The following EEFSEC variants were observed in gnomAD, a reference collection of about 807,000 sequenced individuals.
EEFSEC encodes the protein eukaryotic elongation factor, selenocysteine-tRNA specific.
Under a neutral mutation model 42.1 loss-of-function variants are expected in EEFSEC, and 43 were observed. That is an observed-to-expected ratio of 1.02 (90% confidence interval 0.80 to 1.32). The LOEUF (loss-of-function observed/expected upper bound fraction) is 1.32, where lower values mean the gene tolerates loss of function less well. Ranked by LOEUF, EEFSEC falls within the 40% of genes most tolerant of loss-of-function variation. EEFSEC has a pLI of 0.00. For synonymous variants in EEFSEC, 354 were observed against 339.1 expected (o/e 1.04, Z -0.48); for missense variants, 745 against 803.6 (o/e 0.93, Z 0.88).
At chr3:128,329,595 C>T (rs1447255084) in intron 4 of EEFSEC, among the ~76,000 whole-genome samples, 1 of 152,176 alleles carries the variant, frequency 6.6e-6, no homozygotes, top group Admixed American at 6.5e-5. Context: ...AGGGGCCTGG[C>T]AGTCAGGAAG....
chr3:128,196,375 T>G (rs1315712183), intron 1 of EEFSEC, among the ~76,000 whole-genome samples: 1 of 152,224 alleles, frequency 6.6e-6, no homozygotes, highest in Non-Finnish European at 1.5e-5. Flanking sequence ...GTGCGTATCA[T>G]GGGATGTGTG....
chr3:128,322,369 C>T (rs1156955075), intron 4 of EEFSEC, among the ~76,000 whole-genome samples: 1 of 152,244 alleles, frequency 6.6e-6, no homozygotes, highest in Non-Finnish European at 1.5e-5. Context: ...GGCAAGTGCT[C>T]AGTCAATGTT....
At chr3:128,365,108 C>T (rs2067574040) in intron 6 of EEFSEC, among the ~76,000 whole-genome samples, 1 of 152,240 alleles carries the variant, frequency 6.6e-6, no homozygotes, top group Admixed American at 6.5e-5. Context: ...TCTCAGGGCT[C>T]AGCATGGTAT....
chr3:128,260,993 C>T (rs944572700), intron 2 of EEFSEC, among the ~76,000 whole-genome samples: 13 of 152,022 alleles, frequency 8.6e-5, no homozygotes, highest in African/African-American at 1.7e-4. Context: ...CATTCATGCC[C>T]GCTGACATGT....
chr3:128,411,577 G>A (rs74730720), downstream of EEFSEC, among the ~76,000 whole-genome samples: 3 of 152,274 alleles, frequency 2.0e-5, no homozygotes, highest in East Asian at 5.8e-4. Context: ...AGTGCCCTGG[G>A]CCCCCTCACC....
chr3:128,399,643 G>T (rs1365277338), intron 6 of EEFSEC, among the ~76,000 whole-genome samples: 2 of 152,194 alleles, frequency 1.3e-5, no homozygotes, highest in East Asian at 3.9e-4. Context: ...AAACAGAAGA[G>T]CCCAGCCTGA....
chr3:128,166,954 C>A (rs2065247569), intron 1 of EEFSEC, among the ~76,000 whole-genome samples: 1 of 152,120 alleles, frequency 6.6e-6, no homozygotes, highest in Non-Finnish European at 1.5e-5. Flanking sequence ...AACTACTTCC[C>A]TGTGTAGAAG....
intron 5 of EEFSEC, among the ~76,000 whole-genome samples, chr3:128,355,815 A>G (rs1312688528): frequency 3.9e-5 from 6 of 152,248 alleles, no homozygotes; most frequent in African/African-American, 1.4e-4. Flanking sequence ...TAAACAAGTA[A>G]ACAGATAAGG....
intron 1 of EEFSEC, among the ~76,000 whole-genome samples, chr3:128,225,291 G>T (rs1273701925): frequency 6.6e-6 from 1 of 152,218 alleles, no homozygotes; most frequent in East Asian, 1.9e-4. Context: ...TCCAGCCCCA[G>T]CCCTGGGTCA....
At chr3:128,348,714 G>A (rs1242016466) in intron 5 of EEFSEC, among the ~76,000 whole-genome samples, 1 of 152,200 alleles carries the variant, frequency 6.6e-6, no homozygotes, top group African/African-American at 2.4e-5. Flanking sequence ...GTAAATAGTA[G>A]GTCGGGTATG....
chr3:128,387,530 G>A (rs938726538), intron 6 of EEFSEC, among the ~76,000 whole-genome samples: 2 of 152,048 alleles, frequency 1.3e-5, no homozygotes, highest in African/African-American at 4.8e-5. Flanking sequence ...GCCTTCTGAG[G>A]GTGCGAGAAA....
chr3:128,367,669 A>G lies in EEFSEC; in HGVS notation c.1600+9296A>G, dbSNP rs182202873. On this transcript the variant is annotated intron_variant, in intron 6 of 6. Coordinates refer to ENST00000254730, the MANE Select transcript of EEFSEC (RefSeq NM_021937.5). ...GATTATGGACTTATGTCCCCTTCCC[A>G]CCTTACAGGGAGAGAGACAGCCTTG... is the stretch of plus-strand genomic sequence containing the variant. 8.8e-5 allele frequency: 87 copies of G among 985,172 alleles called. 1 individual carries two copies. In the East Asian group the frequency reaches 7.7e-3, roughly 88 times the overall value. 61.0% of individuals were successfully genotyped at this position (985,172 alleles called of 1,614,324 possible). A position where few individuals can be genotyped will look rare whatever the true frequency, so the allele number is the denominator to read the frequency against.
At chr3:128,221,426 C>T (rs768226331) in intron 1 of EEFSEC, among the ~76,000 whole-genome samples, 8 of 152,264 alleles carry the variant, frequency 5.3e-5, no homozygotes, top group Non-Finnish European at 1.2e-4. Context: ...GCTTGCTTTG[C>T]GAGGTGAGCT....
At chr3:128,374,181 C>T (rs1290010861) in intron 6 of EEFSEC, among the ~76,000 whole-genome samples, 2 of 152,218 alleles carry the variant, frequency 1.3e-5, no homozygotes, top group Non-Finnish European at 2.9e-5. Flanking sequence ...CCATCGGTGC[C>T]CAGTGCTGTC....
intron 4 of EEFSEC, among the ~76,000 whole-genome samples, chr3:128,340,263 C>T (rs2737759): frequency 6.6e-5 from 10 of 152,150 alleles, no homozygotes; most frequent in African/African-American, 1.9e-4. Flanking sequence ...TTCACTTCTT[C>T]GAGACCTTTA....
intron 6 of EEFSEC, among the ~76,000 whole-genome samples, chr3:128,397,012 C>T (rs1483156601): frequency 6.6e-6 from 1 of 152,216 alleles, no homozygotes; most frequent in East Asian, 1.9e-4. Flanking sequence ...CCAATGGTCC[C>T]CCGACTGGTA....
At chr3:128,330,498 G>A (rs944000320) in intron 4 of EEFSEC, among the ~76,000 whole-genome samples, 23 of 152,168 alleles carry the variant, frequency 1.5e-4, no homozygotes, top group African/African-American at 4.8e-4. Flanking sequence ...CTTAAGGAGC[G>A]TCCTGGTCTG....
chr3:128,301,176 T>C (rs1220402024), intron 4 of EEFSEC, among the ~76,000 whole-genome samples: 3 of 151,996 alleles, frequency 2.0e-5, no homozygotes, highest in Admixed American at 6.6e-5. Context: ...TTTAAAGGGG[T>C]CTTTGCTGAG....
At chr3:128,328,781 A>T (rs1215209400) in intron 4 of EEFSEC, among the ~76,000 whole-genome samples, 2 of 152,186 alleles carry the variant, frequency 1.3e-5, no homozygotes, top group Non-Finnish European at 2.9e-5. Context: ...GTGCCAGGTG[A>T]GAGTGCCTCG....
Sources: allele counts gnomAD v4.1 joint callset (sites outside exome capture counted in the v4.1 genomes callset), GRCh38; gene constraint gnomAD v4.1.1; transcripts MANE v1.5; gene names NCBI Gene and HGNC (gene_info 2026-07-23, HGNC 2026-07-21).